GABBR2: variants seen among roughly 807,000 people sequenced by gnomAD.
GABBR2 encodes G-protein coupled receptor 51.
GABBR2 carries 23 observed loss-of-function variants against 105.6 expected under a neutral mutation model. That is an observed-to-expected ratio of 0.22 (90% CI 0.16 to 0.31). GABBR2 has a LOEUF of 0.31. GABBR2 is among the 10% of genes least tolerant of loss of function. The pLI is 1.00. For missense variants in GABBR2, 734 were observed against 1,245.5 expected (o/e 0.59, Z 6.18); for synonymous variants, 478 against 499.7 (o/e 0.96, Z 0.58).
intron 1 of GABBR2, among the ~76,000 whole-genome samples, chr9:98,597,320 T>G (rs1829252867): frequency 1.3e-5 from 2 of 152,192 alleles, no homozygotes; most frequent in South Asian, 4.1e-4. Context: ...AGGGACAACA[T>G]GCCAGGGACA....
At chr9:98,695,896 A>G (rs1830744931) in intron 1 of GABBR2, among the ~76,000 whole-genome samples, 1 of 152,152 alleles carries the variant, frequency 6.6e-6, no homozygotes, top group Admixed American at 6.5e-5. Context: ...TATAAACATC[A>G]AGATTGGCCT....
At chr9:98,446,694 C>A (rs1826135830) in intron 7 of GABBR2, among the ~76,000 whole-genome samples, 1 of 152,084 alleles carries the variant, frequency 6.6e-6, no homozygotes, top group Non-Finnish European at 1.5e-5. Flanking sequence ...GATGGGTTTT[C>A]TGTTGCTCCC....
chr9:98,397,504 T>A (rs145524791), intron 8 of GABBR2, among the ~76,000 whole-genome samples: 5 of 152,156 alleles, frequency 3.3e-5, no homozygotes, highest in Non-Finnish European at 7.4e-5. Context: ...CGAGAATATA[T>A]GCCAAGTTCC....
chr9:98,308,630 G>GA (rs1830588295), intron 14 of GABBR2, among the ~76,000 whole-genome samples: 1 of 152,150 alleles, frequency 6.6e-6, no homozygotes, highest in Admixed American at 6.5e-5. Flanking sequence ...GAGAAGAAGA[G>GA]AAGGCCATGT....
intron 3 of GABBR2, among the ~76,000 whole-genome samples, chr9:98,510,007 G>C (rs1457524785): frequency 6.6e-6 from 1 of 152,200 alleles, no homozygotes; most frequent in Non-Finnish European, 1.5e-5. Flanking sequence ...GAAATACTAA[G>C]AGCAGCCAGA....
At chr9:98,363,301 C>T (rs1831620563) in intron 12 of GABBR2, among the ~76,000 whole-genome samples, 1 of 152,158 alleles carries the variant, frequency 6.6e-6, no homozygotes, top group African/African-American at 2.4e-5. Context: ...GGAGGAACCA[C>T]AGTAGTAACA....
At chr9:98,502,420 C>T (rs10512257) in intron 3 of GABBR2, among the ~76,000 whole-genome samples, 36,723 of 152,038 alleles carry the variant, frequency 0.24, 4,771 homozygotes, top group East Asian at 0.55. Flanking sequence ...CAGAGGACGC[C>T]GGGTACTGCC....
chr9:98,675,923 T>C (rs1830471348), intron 1 of GABBR2, among the ~76,000 whole-genome samples: 1 of 152,226 alleles, frequency 6.6e-6, no homozygotes, highest in African/African-American at 2.4e-5. Flanking sequence ...CCTTTCTCCC[T>C]TTCCTTCTTT....
intron 3 of GABBR2, among the ~76,000 whole-genome samples, chr9:98,519,936 T>C (rs934202874): frequency 3.3e-5 from 5 of 152,188 alleles, no homozygotes; most frequent in African/African-American, 1.2e-4. Context: ...AAAGAGCCTA[T>C]GGTTCTATTT....
chr9:98,636,733 A>G (rs1217782074), intron 1 of GABBR2, among the ~76,000 whole-genome samples: 1 of 151,988 alleles, frequency 6.6e-6, no homozygotes, highest in Non-Finnish European at 1.5e-5. Context: ...AGCTCAGGCA[A>G]TCTGCCCACC....
chr9:98,389,142 C>T, intron 9 of GABBR2, 138 bp from the exon 10 acceptor site: 1 of 663,740 alleles, frequency 1.5e-6, no homozygotes, highest in Non-Finnish European at 2.5e-6. Context: ...CCGGGTGAGC[C>T]AGATCCGGTG....
In GABBR2 at chr9:98,439,612, A is replaced by T. The variant is rs191856468; in HGVS notation, c.1236+14369T>A. ...ATGAATACCCATAGACCACATATTT[A>T]GGGATGTGTGTGTGCATGCATGCAT... On this transcript the variant is annotated intron_variant, in intron 7 of 18. Transcript: ENST00000259455. 2.2e-3 allele frequency among the ~76,000 whole-genome samples: 341 copies of T among 152,318 alleles called. 3 individuals carry two copies. The highest frequency in any genetic ancestry group is 7.6e-3 in the African/African-American group (317 of 41,584).
intron 1 of GABBR2, among the ~76,000 whole-genome samples, chr9:98,593,561 A>T (rs1644448872): frequency 6.6e-6 from 1 of 152,172 alleles, no homozygotes; most frequent in South Asian, 2.1e-4. Context: ...TAGAGAAGCC[A>T]GGAGGGGGTG....
intron 7 of GABBR2, among the ~76,000 whole-genome samples, 156 bp from the exon 8 acceptor site, chr9:98,406,297 C>T (rs1186847988): frequency 2.0e-5 from 3 of 152,240 alleles, no homozygotes; most frequent in Admixed American, 6.5e-5. Flanking sequence ...GAAAATCAAA[C>T]TAATTGTTTT....
chr9:98,498,085 T>C (rs1373936479), intron 3 of GABBR2, among the ~76,000 whole-genome samples: 1 of 152,208 alleles, frequency 6.6e-6, no homozygotes, highest in Non-Finnish European at 1.5e-5. Context: ...TGCTACAACA[T>C]GGATGAGCCT....
chr9:98,388,806 T>C lies in GABBR2; in HGVS notation c.1529+48A>G, dbSNP rs758111519. 1.6e-5 allele frequency: 24 copies of C among 1,515,976 alleles called. No homozygotes were observed. The South Asian group carries it at 2.8e-4, about 18-fold the overall frequency. The allele number at this position is 1,515,976 out of a possible 1,614,324, so 93.9% of individuals were successfully genotyped here. On this transcript the variant is annotated intron_variant, in intron 10 of 18. Coordinates refer to ENST00000259455, the MANE Select transcript of GABBR2 (RefSeq NM_005458.8). This position sits in a 1 kb window ranked among gnomAD's most constrained non-coding sequence, Gnocchi z 4.4. ...GCACTCCTATACTGTGTCCATAGGC[T>C]TGTCAATTTAGAAAGTGATATCACA...
At chr9:98,516,744 G>A (rs1427606201) in intron 3 of GABBR2, among the ~76,000 whole-genome samples, 1 of 152,162 alleles carries the variant, frequency 6.6e-6, no homozygotes, top group Non-Finnish European at 1.5e-5. Context: ...TTGGCACAGA[G>A]CAGTTGCCTG....
chr9:98,408,680 T>A (rs1259506305), intron 7 of GABBR2, among the ~76,000 whole-genome samples: 5 of 152,250 alleles, frequency 3.3e-5, no homozygotes, highest in Non-Finnish European at 5.9e-5. Context: ...GAGCTTTTTA[T>A]TTGATTAGGA....
chr9:98,578,866 G>A (rs1403149646), intron 1 of GABBR2, among the ~76,000 whole-genome samples: 1 of 152,176 alleles, frequency 6.6e-6, no homozygotes, highest in East Asian at 1.9e-4. Flanking sequence ...CAAAAAGACA[G>A]CTATTATATG....
Sources: gnomAD v4.1 joint callset for allele counts (sites outside exome capture counted in the v4.1 genomes callset) on GRCh38, gnomAD v4.1.1 for gene constraint, Gnocchi (gnomAD v3.1) non-coding constraint, MANE v1.5 for transcripts, NCBI Gene and HGNC (gene_info 2026-07-23, HGNC 2026-07-21) for gene names.